Variants in DTHD1 observed in about 807,000 individuals in gnomAD.
The protein encoded by DTHD1 is death domain containing 1.
A neutral mutation model predicts 74.8 loss-of-function variants in DTHD1; 59 were observed. That is an observed-to-expected ratio of 0.79 (90% confidence interval 0.64 to 0.98). The LOEUF (loss-of-function observed/expected upper bound fraction) is 0.98, where lower values mean the gene tolerates loss of function less well. Among genes scored for constraint, DTHD1 ranks in the 50% least tolerant of loss-of-function variants. The probability of loss-of-function intolerance (pLI) is 0.00; values close to 1 mark genes in which losing one functional copy is unlikely to be tolerated. For missense variants in DTHD1, 1,051 were observed against 1,065.4 expected (o/e 0.99, Z 0.19); for synonymous variants, 365 against 371.1 (o/e 0.98, Z 0.19).
At chr4:36,339,225 G>A (rs2109577465) in intron 9 of DTHD1, 56 bp downstream of exon 9, 1 of 1,169,376 alleles carries the variant, frequency 8.6e-7, no homozygotes, top group Non-Finnish European at 1.2e-6. Context: ...CTTATATGTT[G>A]TATATATGTG....
At chr4:36,324,309 A>G (rs1185415646) in intron 8 of DTHD1, among the ~76,000 whole-genome samples, 1 of 152,002 alleles carries the variant, frequency 6.6e-6, no homozygotes, top group African/African-American at 2.4e-5. Context: ...TCTTGGCTTT[A>G]AAAGATAAGG....
chr4:36,291,752 C>G (rs993144392), intron 3 of DTHD1, among the ~76,000 whole-genome samples: 1 of 152,138 alleles, frequency 6.6e-6, no homozygotes, highest in Non-Finnish European at 1.5e-5. Context: ...CGCTTGAACC[C>G]GGGAAGCGGA....
intron 7 of DTHD1, among the ~76,000 whole-genome samples, chr4:36,314,233 G>A (rs892857119): frequency 5.3e-5 from 8 of 151,980 alleles, no homozygotes; most frequent in South Asian, 2.1e-4. Context: ...AGTCAGGACC[G>A]GGAGAAGGGT....
At chr4:36,341,742 A>G (rs1228471081) in intron 9 of DTHD1, among the ~76,000 whole-genome samples, 1 of 152,190 alleles carries the variant, frequency 6.6e-6, no homozygotes, top group Admixed American at 6.5e-5. Flanking sequence ...AAGACAACAT[A>G]TTCTAAGGTG....
chr4:36,297,794 G>A (rs11733863), intron 5 of DTHD1, among the ~76,000 whole-genome samples: 33,330 of 152,068 alleles, frequency 0.22, 3,845 homozygotes, highest in Non-Finnish European at 0.25. Flanking sequence ...CTGATAGGGG[G>A]AGGAGCACCC....
At chr4:36,338,734 G>A (rs1394005818) in intron 8 of DTHD1, among the ~76,000 whole-genome samples, 1 of 152,008 alleles carries the variant, frequency 6.6e-6, no homozygotes, top group Non-Finnish European at 1.5e-5. Flanking sequence ...CTGTGTTGAG[G>A]CAAAGTGCCT....
intron 3 of DTHD1, among the ~76,000 whole-genome samples, chr4:36,291,189 A>G (rs1358943232): frequency 6.6e-6 from 1 of 152,240 alleles, no homozygotes; most frequent in Non-Finnish European, 1.5e-5. Context: ...TAGTCTACAC[A>G]TGGGAGAAAG....
In DTHD1 at chr4:36,343,818, T is replaced by C; in HGVS notation, c.2715T>C (p.Pro905=). The C allele has an allele frequency of 1.9e-6, 3 of 1,544,934 alleles. No homozygotes were observed. The highest frequency in any genetic ancestry group is 1.7e-6 in the Non-Finnish European group (2 of 1,143,260). ...CACAGCAGTGTTTTGATGTAGCCCC[T>C]GAGTAAAAGCCTGATCTCTCTTCCT... ...TEPQQCFDVA[P]E Residue 905 remains proline, a synonymous_variant, in exon 10 of 10, where the codon CCT becomes CCC. Coordinates refer to ENST00000639862, the MANE Select transcript of DTHD1 (RefSeq NM_001170700.3).
Position 36,290,478 on chromosome 4 carries a change from G to A in DTHD1, c.993G>A (p.Met331Ile). Residue 331 changes from methionine to isoleucine, a missense_variant, in exon 3 of 10, where the codon ATG becomes ATA. Transcript: ENST00000639862. ...QQLECRIINHMSSLIVGDNEE... is the reference protein window; with the variant it reads ...QQLECRIINHISSLIVGDNEE... ...TAGAATGCCGGATAATAAATCACAT[G>A]AGTTCTTTAATAGTGGGTGATAATG... 6.4e-7 allele frequency: 1 copy of A among 1,551,726 alleles called. No homozygotes were observed. Among genetic ancestry groups the A allele is most frequent in the Non-Finnish European group, 8.7e-7 (1 of 1,146,980 alleles).
At chr4:36,313,179 T>C (rs1578466233) in intron 7 of DTHD1, among the ~76,000 whole-genome samples, 2 of 152,316 alleles carry the variant, frequency 1.3e-5, no homozygotes, top group South Asian at 2.1e-4. Flanking sequence ...GAAGAAAATA[T>C]ATTGCTATAA....
At chr4:36,305,682 G>A (rs1458638453) in intron 5 of DTHD1, among the ~76,000 whole-genome samples, 1 of 152,162 alleles carries the variant, frequency 6.6e-6, no homozygotes, top group South Asian at 2.1e-4. Context: ...CAGTTCATAA[G>A]AGGCAGAGTC....
intron 5 of DTHD1, among the ~76,000 whole-genome samples, chr4:36,298,252 T>A (rs1223127678): frequency 6.6e-6 from 1 of 152,142 alleles, no homozygotes; most frequent in Non-Finnish European, 1.5e-5. Flanking sequence ...ATTCTACTAC[T>A]GTAGCAATAA....
At chr4:36,320,134 C>G (rs1757966813) in intron 8 of DTHD1, among the ~76,000 whole-genome samples, 1 of 151,628 alleles carries the variant, frequency 6.6e-6, no homozygotes, top group South Asian at 2.1e-4. Flanking sequence ...TTTTTCTAAT[C>G]ACCTCTCCTT....
chr4:36,284,367 T>G lies in DTHD1; in HGVS notation c.663T>G (p.Asp221Glu). The change falls in exon 2 of 10, where the codon GAT (aspartate) becomes GAG (glutamate). Residue 221 changes from aspartate to glutamate, a missense_variant. Coordinates refer to ENST00000639862, the MANE Select transcript of DTHD1 (RefSeq NM_001170700.3). ...CAGATAATGCAGAAAATGAAGATGA[T>G]AAACAAATAGAACACATGACTGTTG... ...MFPDNAENED[D>E]KQIEHMTVEN... 6.5e-7 allele frequency: 1 copy of G among 1,537,066 alleles called. No homozygotes were observed. The highest frequency in any genetic ancestry group is 8.7e-7 in the Non-Finnish European group (1 of 1,146,836).
At chr4:36,291,139 T>C (rs1044994965) in intron 3 of DTHD1, among the ~76,000 whole-genome samples, 1 of 152,244 alleles carries the variant, frequency 6.6e-6, no homozygotes, top group Non-Finnish European at 1.5e-5. Flanking sequence ...TATGTGTTTG[T>C]GTATGCCTTG....
At position 36,316,381 on chromosome 4, in the gene DTHD1, T is replaced by C. The variant is rs1251788473; in HGVS notation, c.2235T>C (p.Tyr745=). 7 of 1,552,040 alleles carry C rather than the reference T, an allele frequency of 4.5e-6. No homozygotes were observed. The highest frequency in any genetic ancestry group is 1.2e-5 in the South Asian group (1 of 84,070). Reference sequence around the variant, plus strand: ...ATTACAAAGGCACCATTGTCGTTTATAAAGTACCTAAAGGAAAGATAGTCC... The same window carrying C: ...ATTACAAAGGCACCATTGTCGTTTACAAAGTACCTAAAGGAAAGATAGTCC... The part of the protein sequence containing the change: ...CPHYKGTIVV[Y]KVPKGKIVPN... Residue 745 remains tyrosine, a synonymous_variant, in exon 8 of 10, where the codon TAT becomes TAC. Coordinates refer to ENST00000639862, the MANE Select transcript of DTHD1 (RefSeq NM_001170700.3).
chr4:36,314,709 A>T (rs1315309534), intron 7 of DTHD1, among the ~76,000 whole-genome samples: 1 of 151,252 alleles, frequency 6.6e-6, no homozygotes, highest in Non-Finnish European at 1.5e-5. Context: ...AAAGAAAAGA[A>T]AAAAAGCTTC....
intron 2 of DTHD1, among the ~76,000 whole-genome samples, chr4:36,285,885 T>C (rs540641041): frequency 3.3e-5 from 5 of 152,288 alleles, no homozygotes; most frequent in African/African-American, 1.2e-4. Flanking sequence ...AGTCTATTCA[T>C]TTATTTTAGC....
chr4:36,343,494 C>T lies in DTHD1; in HGVS notation c.2399-8C>T, dbSNP rs1438730479. ...CCTAACCGTGAGTGTTCCTCCTGTG[C>T]CTGACAGAAGCCCTTTGGGATAACT... On this transcript the variant is annotated splice_polypyrimidine_tract_variant and splice_region_variant and intron_variant, in intron 9 of 9. Coordinates refer to ENST00000639862, the MANE Select transcript of DTHD1 (RefSeq NM_001170700.3). 1.9e-6 allele frequency: 3 copies of T among 1,549,024 alleles called. No individual in the cohort carries two copies. Among genetic ancestry groups the T allele is most frequent in the Non-Finnish European group, 2.6e-6 (3 of 1,145,500 alleles).
Sources: gnomAD v4.1 joint callset for allele counts (sites outside exome capture counted in the v4.1 genomes callset) on GRCh38, gnomAD v4.1.1 for gene constraint, MANE v1.5 for transcripts, NCBI Gene and HGNC (gene_info 2026-07-23, HGNC 2026-07-21) for gene names.